SPPL2A: variants seen among roughly 807,000 people sequenced by gnomAD.
SPPL2A encodes signal peptide peptidase-like 2A.
Under a neutral mutation model 63.8 loss-of-function variants are expected in SPPL2A, and 51 were observed. The ratio of observed to expected loss-of-function variants is 0.80; its 90% confidence interval spans 0.64 to 1.01. The LOEUF is 1.01. Among genes scored for constraint, SPPL2A ranks in the 50% least tolerant of loss-of-function variants. The pLI, the probability that SPPL2A is intolerant of heterozygous loss-of-function variation, is 0.00. For synonymous variants in SPPL2A, 188 were observed against 205.8 expected (o/e 0.91, Z 0.74); for missense variants, 553 against 622.7 (o/e 0.89, Z 1.19).
chr15:50,728,588 C>T (rs1184765534), intron 10 of SPPL2A, among the ~76,000 whole-genome samples: 3 of 151,574 alleles, frequency 2.0e-5, no homozygotes, highest in East Asian at 2.0e-4. Flanking sequence ...CCTCGTGATC[C>T]GCCCACCTTG....
intron 10 of SPPL2A, among the ~76,000 whole-genome samples, chr15:50,726,864 C>G (rs1431848682): frequency 6.6e-6 from 1 of 152,162 alleles, no homozygotes; most frequent in Admixed American, 6.5e-5. Flanking sequence ...CTTCTGGCTA[C>G]TCACCACAAT....
Position 50,725,340 on chromosome 15 carries a change from CAAAA to C in SPPL2A, c.1147-21_1147-18del, listed in dbSNP as rs2062677855. On this transcript the variant is annotated intron_variant, in intron 11 of 14. Coordinates refer to ENST00000261854, the MANE Select transcript of SPPL2A (RefSeq NM_032802.4). ...TACTGGCAACTGTTCAAAAACAAAA[CAAAA>C]CAAAACAAAACAAAACAAAAAACAA... 8.2e-7 allele frequency: 1 copy of C among 1,214,740 alleles called. No individual in the cohort carries two copies. Among genetic ancestry groups the C allele is most frequent in the Non-Finnish European group, 1.2e-6 (1 of 846,244 alleles). 75.2% of individuals were successfully genotyped at this position (1,214,740 alleles called of 1,614,324 possible). A position where few individuals can be genotyped will look rare whatever the true frequency, so the allele number is the denominator to read the frequency against.
chr15:50,736,563 G>T, intron 7 of SPPL2A, 81 bp downstream of exon 7: 1 of 792,852 alleles, frequency 1.3e-6, no homozygotes, highest in Non-Finnish European at 2.1e-6. Context: ...GACTATATAG[G>T]TTTCAAATAA....
At chr15:50,733,168 C>A (rs1336151346) in intron 8 of SPPL2A, among the ~76,000 whole-genome samples, 3 of 152,136 alleles carry the variant, frequency 2.0e-5, no homozygotes, top group African/African-American at 7.2e-5. Flanking sequence ...CCAGTGTTAA[C>A]ACAGATCCAA....
chr15:50,748,780 C>T lies in SPPL2A; in HGVS notation c.268G>A (p.Val90Ile), dbSNP rs8034443. 1.5e-4 allele frequency: 248 copies of T among 1,612,250 alleles called. 1 individual carries two copies. The African/African-American group carries it at 3.2e-3, about 21-fold the overall frequency. ...AGAAAATGGCAGCTTCCCCATGGAACCACAACTGCTTTGCTCTTTATGCCA... is the reference window on the plus strand; with the variant it reads ...AGAAAATGGCAGCTTCCCCATGGAATCACAACTGCTTTGCTCTTTATGCCA... ...PVGIKSKAVV[V>I]PWGSCHFLEK... The change falls in exon 3 of 15, where the codon GTT becomes ATT. Residue 90 changes from valine (V) to isoleucine (I), a missense_variant. Val to Ile is a conservative substitution (Grantham distance 29). Transcript: ENST00000261854.
chr15:50,736,319 G>A, intron 7 of SPPL2A, 117 bp from the exon 8 acceptor site: 1 of 663,762 alleles, frequency 1.5e-6, no homozygotes, highest in Non-Finnish European at 2.6e-6. Flanking sequence ...AATTTTGAAA[G>A]TCTTGATTTT....
chr15:50,746,872 T>C (rs955686863), intron 5 of SPPL2A: 1 of 152,482 alleles, frequency 6.6e-6, no homozygotes, highest in Non-Finnish European at 1.5e-5. Flanking sequence ...TTCACCATGT[T>C]GGCCAGGCTT....
intron 1 of SPPL2A, among the ~76,000 whole-genome samples, chr15:50,758,936 G>A (rs1346991904): frequency 6.6e-6 from 1 of 150,692 alleles, no homozygotes; most frequent in Non-Finnish European, 1.5e-5. Flanking sequence ...CTATCTACAG[G>A]ATCTCACTCT....
chr15:50,745,244 G>C (rs965473722), intron 5 of SPPL2A, among the ~76,000 whole-genome samples: 5 of 152,126 alleles, frequency 3.3e-5, no homozygotes, highest in African/African-American at 1.2e-4. Context: ...TCCACCTCCT[G>C]GGTTCAAGTG....
intron 14 of SPPL2A, among the ~76,000 whole-genome samples, chr15:50,710,052 T>G (rs1187570211): frequency 6.6e-6 from 1 of 152,140 alleles, no homozygotes; most frequent in Admixed American, 6.5e-5. Context: ...AAAGGAAAAG[T>G]ATGTAAGATA....
intron 14 of SPPL2A, among the ~76,000 whole-genome samples, chr15:50,715,627 A>G (rs578083762): frequency 7.2e-5 from 11 of 152,296 alleles, no homozygotes; most frequent in African/African-American, 2.4e-4. Context: ...AAGAATGGTT[A>G]GAAAAAGGAC....
intron 5 of SPPL2A, among the ~76,000 whole-genome samples, chr15:50,743,892 T>C (rs112651724): frequency 2.6e-5 from 4 of 152,074 alleles, no homozygotes; most frequent in African/African-American, 9.6e-5. Flanking sequence ...AGATTAATAA[T>C]TGCCAGGCGC....
intron 1 of SPPL2A, among the ~76,000 whole-genome samples, chr15:50,750,381 T>C (rs1596395674): frequency 6.6e-6 from 1 of 152,194 alleles, no homozygotes; most frequent in Non-Finnish European, 1.5e-5. Context: ...CACCTGGCCA[T>C]TGTTTATATT....
At chr15:50,718,533 T>C (rs746119858) in intron 14 of SPPL2A, among the ~76,000 whole-genome samples, 2 of 152,178 alleles carry the variant, frequency 1.3e-5, no homozygotes, top group Non-Finnish European at 2.9e-5. Flanking sequence ...TCATCTTCAA[T>C]AGAAAAGTTA....
chr15:50,726,429 G>C, intron 10 of SPPL2A, 52 bp from the exon 11 acceptor site: 1 of 1,523,236 alleles, frequency 6.6e-7, no homozygotes, highest in South Asian at 1.1e-5. Flanking sequence ...AGAACAATCT[G>C]CCACTATTCA....
intron 9 of SPPL2A, among the ~76,000 whole-genome samples, chr15:50,731,318 G>A (rs1332702202): frequency 1.3e-5 from 2 of 151,868 alleles, no homozygotes; most frequent in Non-Finnish European, 2.9e-5. Context: ...AGACTGAGGC[G>A]GGGCGGATCA....
intron 1 of SPPL2A, 98 bp from the exon 2 acceptor site, chr15:50,749,844 TC>T (rs1268281737): frequency 1.4e-6 from 1 of 736,806 alleles, no homozygotes; most frequent in Admixed American, 2.1e-5. Flanking sequence ...TGATCACATT[TC>T]CTTGAGAGGG....
chr15:50,724,542 C>A (rs550421306), intron 12 of SPPL2A, among the ~76,000 whole-genome samples: 2 of 150,280 alleles, frequency 1.3e-5, no homozygotes, highest in African/African-American at 4.9e-5. Context: ...CATGCCACTG[C>A]GCTCCAGCCT....
chr15:50,709,733 T>C (rs1017644708), intron 14 of SPPL2A, among the ~76,000 whole-genome samples: 1 of 151,912 alleles, frequency 6.6e-6, no homozygotes, highest in Non-Finnish European at 1.5e-5. Flanking sequence ...GAGGCTTTGC[T>C]GACCCAAGAT....
Sources: gnomAD v4.1 joint callset for allele counts (sites outside exome capture counted in the v4.1 genomes callset) on GRCh38, gnomAD v4.1.1 for gene constraint, MANE v1.5 for transcripts, NCBI Gene and HGNC (gene_info 2026-07-23, HGNC 2026-07-21) for gene names.